The following CHRNA9 variants were observed in gnomAD, a reference collection of about 807,000 sequenced individuals.
CHRNA9 encodes cholinergic receptor nicotinic alpha 9 subunit.
A neutral mutation model predicts 36.8 loss-of-function variants in CHRNA9; 24 were observed. The observed-to-expected ratio is 0.65, with a 90% CI of 0.47 to 0.92. CHRNA9 has a LOEUF of 0.92. CHRNA9 is among the 40% of genes least tolerant of loss of function. CHRNA9 has a pLI of 0.00. For missense variants in CHRNA9, 610 were observed against 601.2 expected, an observed-to-expected ratio of 1.01 and a Z score of -0.15; for synonymous variants, 231 against 231.8, an observed-to-expected ratio of 1.00 and a Z score of 0.03.
At position 40,354,223 on chromosome 4, in the gene CHRNA9, C is replaced by G. The variant is rs57024876; in HGVS notation, c.1143C>G (p.Asn381Lys). 1,197 of 1,614,202 alleles carry G rather than the reference C, an allele frequency of 7.4e-4. 38 individuals carry two copies. In the East Asian group the frequency reaches 0.026, roughly 36 times the overall value. Residue 381 changes from asparagine (N) to lysine (K), a missense_variant, in exon 5 of 5, where the codon AAC becomes AAG. Transcript: ENST00000310169. ...TTTATAGCAAACTCCCAGAGTCTAA[C>G]CTGAAAGCAGCCAGGAACAAAGACC... ...TKVYSKLPES[N>K]LKAARNKDLS...
At chr4:40,337,547 A>G (rs953719075) in intron 3 of CHRNA9, among the ~76,000 whole-genome samples, 183 bp downstream of exon 3, 3 of 152,264 alleles carry the variant, frequency 2.0e-5, no homozygotes, top group Non-Finnish European at 4.4e-5. Context: ...ATAAAAGCTT[A>G]GAGCTGGAAA....
intron 3 of CHRNA9, chr4:40,347,999 A>T (rs1292499349): frequency 6.6e-6 from 1 of 152,274 alleles, no homozygotes; most frequent in African/African-American, 2.4e-5. Flanking sequence ...TAAAGGAAAA[A>T]GTAAACAACC....
At chr4:40,352,943 A>G (rs1712842603) in intron 4 of CHRNA9, among the ~76,000 whole-genome samples, 1 of 152,184 alleles carries the variant, frequency 6.6e-6, no homozygotes, top group South Asian at 2.1e-4. Context: ...CTCAGCAAAC[A>G]TTTCCAAACT....
At chr4:40,336,047 C>A in intron 2 of CHRNA9, 75 bp downstream of exon 2, 1 of 1,283,254 alleles carries the variant, frequency 7.8e-7, no homozygotes, top group Non-Finnish European at 1.1e-6. Flanking sequence ...AAGAGAATGT[C>A]TTAACTGGGA....
intron 3 of CHRNA9, among the ~76,000 whole-genome samples, chr4:40,343,542 G>A (rs537745422): frequency 3.3e-5 from 5 of 152,170 alleles, no homozygotes; most frequent in Non-Finnish European, 7.3e-5. Flanking sequence ...CAACATGTGG[G>A]AATTATGTGA....
chr4:40,343,348 A>G (rs992199034), intron 3 of CHRNA9, among the ~76,000 whole-genome samples: 2 of 152,226 alleles, frequency 1.3e-5, no homozygotes, highest in Admixed American at 1.3e-4. Context: ...GAGGCCTCAC[A>G]ATCATGGCTG....
chr4:40,349,223 G>T lies in CHRNA9; in HGVS notation c.707G>T (p.Arg236Met). ...DVTFTLLLKR[R>M]SSFYIVNLLI... ...ACATTCACCCTCCTTCTGAAGAGGA[G>T]GTCCTCGTTCTATATCGTCAACCTC... The change falls in exon 4 of 5, where the codon AGG becomes ATG. Residue 236 changes from arginine (R) to methionine (M), a missense_variant. Coordinates refer to ENST00000310169, the MANE Select transcript of CHRNA9 (RefSeq NM_017581.4). 1 of 1,614,158 alleles carries T rather than the reference G, an allele frequency of 6.2e-7. No homozygotes were observed. Among genetic ancestry groups the T allele is most frequent in the Non-Finnish European group, 8.5e-7 (1 of 1,180,022 alleles).
rs1342541696 is a variant in CHRNA9 at position 40,349,267 on chromosome 4, A to G, written c.751A>G (p.Ile251Val). The G allele has an allele frequency of 6.2e-7, 1 of 1,613,990 alleles. No individual in the cohort carries two copies. Among genetic ancestry groups the G allele is most frequent in the African/African-American group, 1.3e-5 (1 of 74,884 alleles). The part of the protein sequence containing the change: ...IVNLLIPCVL[I>V]SFLAPLSFYL... The stretch of plus-strand genomic sequence containing the variant: ...CAACCTCCTCATCCCATGCGTCCTC[A>G]TATCTTTTCTGGCTCCTCTGAGTTT... Residue 251 changes from isoleucine (I) to valine (V), a missense_variant, in exon 4 of 5, where the codon ATA becomes GTA. Transcript: ENST00000310169.
chr4:40,336,066 G>A, intron 2 of CHRNA9, 94 bp downstream of exon 2: 7 of 1,071,750 alleles, frequency 6.5e-6, no homozygotes, highest in Non-Finnish European at 6.9e-6. Flanking sequence ...GAATTTGAGA[G>A]GGAATGATAG....
At position 40,354,378 on chromosome 4, in the gene CHRNA9, A is replaced by G; in HGVS notation, c.1298A>G (p.Lys433Arg). The change falls in exon 5 of 5, where the codon AAG becomes AGG. Residue 433 changes from lysine to arginine, a missense_variant. Lys to Arg is a conservative substitution (Grantham distance 26, BLOSUM62 2). Coordinates refer to ENST00000310169, the MANE Select transcript of CHRNA9 (RefSeq NM_017581.4). ...ACGAGGAATATTGAGTACATCGCCA[A>G]GTGCCTCAAAGACCACAAGGCCACC... is the stretch of plus-strand genomic sequence containing the variant. ...VLTRNIEYIA[K>R]CLKDHKATNS... is the part of the protein sequence containing the mutation. 4 of 1,614,236 alleles carry G rather than the reference A, an allele frequency of 2.5e-6. No homozygotes were observed. The highest frequency in any genetic ancestry group is 3.4e-6 in the Non-Finnish European group (4 of 1,180,032).
intron 3 of CHRNA9, among the ~76,000 whole-genome samples, chr4:40,339,607 A>T (rs1402117688): frequency 6.9e-6 from 1 of 145,342 alleles, no homozygotes; most frequent in Non-Finnish European, 1.5e-5. Context: ...CGGAGCTTGC[A>T]GTGAGCCGAG....
rs933308977 is a variant in CHRNA9, at chr4:40,339,684, C to T, written c.365+2320C>T. On this transcript the variant is annotated intron_variant, in intron 3 of 4. Transcript: ENST00000310169. Reference sequence around the variant, plus strand: ...TCTCAAAAAAAAAAAAAAAAAAAGGCGGGGTCTCACTCCTATCGCCCACGC... The same window carrying T: ...TCTCAAAAAAAAAAAAAAAAAAAGGTGGGGTCTCACTCCTATCGCCCACGC... 3.7e-3 allele frequency among the ~76,000 whole-genome samples: 423 copies of T among 115,048 alleles called. 4 individuals are homozygous for T. Among genetic ancestry groups the T allele is most frequent in the African/African-American group, 0.016 (404 of 25,334 alleles). 75.5% of individuals were successfully genotyped at this position (115,048 alleles called of 152,430 possible).
intron 3 of CHRNA9, among the ~76,000 whole-genome samples, chr4:40,338,852 G>C (rs1017474372): frequency 4.2e-5 from 6 of 144,410 alleles, no homozygotes; most frequent in African/African-American, 1.6e-4. Flanking sequence ...CTCTGTCTCT[G>C]TCTCTCTCTC....
At position 40,335,507 on chromosome 4, in the gene CHRNA9, T is replaced by A; in HGVS notation, c.40T>A (p.Tyr14Asn). ...SHSCISFCWI[Y>N]FAASRLRAAE... ...TTCCTGCATCTCCTTTTGCTGGATC[T>A]ACTTTGCTGCTTCCAGACTGAGAGG... The change falls in exon 1 of 5, where the codon TAC becomes AAC. Residue 14 changes from tyrosine to asparagine, a missense_variant. Coordinates refer to ENST00000310169, the MANE Select transcript of CHRNA9 (RefSeq NM_017581.4). The A allele has an allele frequency of 1.9e-6, 3 of 1,613,422 alleles. No individual in the cohort carries two copies. Among genetic ancestry groups the A allele is most frequent in the Non-Finnish European group, 2.5e-6 (3 of 1,179,284 alleles).
intron 4 of CHRNA9, among the ~76,000 whole-genome samples, chr4:40,353,240 T>C (rs1046486925): frequency 1.3e-5 from 2 of 152,144 alleles, no homozygotes; most frequent in African/African-American, 2.4e-5. Flanking sequence ...CCTGTAATTC[T>C]AGCATTTTGA....
chr4:40,353,010 G>A (rs551845429), intron 4 of CHRNA9, among the ~76,000 whole-genome samples: 3 of 152,008 alleles, frequency 2.0e-5, no homozygotes, highest in Non-Finnish European at 4.4e-5. Context: ...TCTCAATTAC[G>A]CCTCCTCATA....
Position 40,335,523 on chromosome 4 carries a change from G to A in CHRNA9, c.56G>A (p.Arg19Lys). The A allele has an allele frequency of 6.2e-7, 1 of 1,612,496 alleles. No individual in the cohort carries two copies. The highest frequency in any genetic ancestry group is 8.5e-7 in the Non-Finnish European group (1 of 1,178,428). ...SFCWIYFAAS[R>K]LRAAETADGK... ...TGCTGGATCTACTTTGCTGCTTCCAGACTGAGAGGTGAGAGGCTGGTGACA... is the reference window on the plus strand; with the variant it reads ...TGCTGGATCTACTTTGCTGCTTCCAAACTGAGAGGTGAGAGGCTGGTGACA... Residue 19 changes from arginine (R) to lysine (K), a missense_variant, in exon 1 of 5, where the codon AGA becomes AAA. Transcript: ENST00000310169.
intron 3 of CHRNA9, among the ~76,000 whole-genome samples, chr4:40,340,224 T>G (rs1436325453): frequency 2.0e-5 from 3 of 152,150 alleles, no homozygotes; most frequent in African/African-American, 7.2e-5. Context: ...TCTCCACCCC[T>G]TTACACAGAG....
chr4:40,340,663 G>C (rs1398230463), intron 3 of CHRNA9, among the ~76,000 whole-genome samples: 1 of 152,144 alleles, frequency 6.6e-6, no homozygotes, highest in Non-Finnish European at 1.5e-5. Flanking sequence ...TTAGGGGGTA[G>C]GTGAGTCAGT....
Sources: allele counts gnomAD v4.1 joint callset (sites outside exome capture counted in the v4.1 genomes callset), GRCh38; gene constraint gnomAD v4.1.1; transcripts MANE v1.5; gene names NCBI Gene and HGNC (gene_info 2026-07-23, HGNC 2026-07-21).